The following ARHGAP24 variants were observed in gnomAD, a reference collection of about 807,000 sequenced individuals.
ARHGAP24 encodes rho GTPase-activating protein 24.
A neutral mutation model predicts 76.4 loss-of-function variants in ARHGAP24; 50 were observed. The ratio of observed to expected loss-of-function variants is 0.65; its 90% CI spans 0.52 to 0.83. The LOEUF is 0.83. Among genes scored for constraint, ARHGAP24 ranks in the 40% least tolerant of loss-of-function variants. The pLI, the probability that ARHGAP24 is intolerant of heterozygous loss-of-function variation, is 0.00. For missense variants in ARHGAP24, 930 were observed against 914.2 expected (o/e 1.02, Z -0.22); for synonymous variants, 345 against 323.3 (o/e 1.07, Z -0.72).
At position 85,953,284 on chromosome 4, in the gene ARHGAP24, T is replaced by A. The variant is rs1184802649; in HGVS notation, c.599+11011T>A. Among the ~76,000 whole-genome samples, 3 of 152,324 alleles carry A rather than the reference T, an allele frequency of 2.0e-5. No individual in the cohort carries two copies. The East Asian group carries it at 5.8e-4, about 29-fold the overall frequency. Reference sequence around the variant, plus strand: ...ACTTCCCTTGTTCCTCTTTCTGCTATTCTCCCCTTTCACTTATTTTTCAAA... The same window carrying A: ...ACTTCCCTTGTTCCTCTTTCTGCTAATCTCCCCTTTCACTTATTTTTCAAA... On this transcript the variant is annotated intron_variant, in intron 5 of 9. Transcript: ENST00000395184.
intron 1 of ARHGAP24, among the ~76,000 whole-genome samples, chr4:85,501,956 C>T (rs188093370): frequency 1.9e-3 from 286 of 152,184 alleles, no homozygotes; most frequent in African/African-American, 6.8e-3. Flanking sequence ...GCCAGTTTTC[C>T]CAGCCCTATT....
chr4:85,542,422 G>A (rs1216314713), intron 1 of ARHGAP24, among the ~76,000 whole-genome samples: 1 of 152,220 alleles, frequency 6.6e-6, no homozygotes, highest in East Asian at 1.9e-4. Context: ...ACTGCCTAGC[G>A]CATGGTCCCA....
chr4:85,566,556 A>T (rs1726853849), intron 1 of ARHGAP24, among the ~76,000 whole-genome samples: 1 of 152,236 alleles, frequency 6.6e-6, no homozygotes, highest in Non-Finnish European at 1.5e-5. Flanking sequence ...AATGAAAAAG[A>T]AGCCTCTAAA....
intron 3 of ARHGAP24, among the ~76,000 whole-genome samples, chr4:85,776,610 A>G (rs1050728920): frequency 2.0e-5 from 3 of 152,146 alleles, no homozygotes; most frequent in Admixed American, 6.5e-5. Flanking sequence ...CTGGTCACCA[A>G]AATTGCTAGT....
intron 2 of ARHGAP24, among the ~76,000 whole-genome samples, chr4:85,688,541 G>A (rs1370119272): frequency 6.6e-6 from 1 of 152,108 alleles, no homozygotes; most frequent in Non-Finnish European, 1.5e-5. Context: ...TTACTCTGTT[G>A]CTGGTTTCTT....
intron 3 of ARHGAP24, among the ~76,000 whole-genome samples, chr4:85,749,531 C>G (rs1726177913): frequency 6.6e-6 from 1 of 152,158 alleles, no homozygotes; most frequent in African/African-American, 2.4e-5. Flanking sequence ...TGTTTGAAAA[C>G]TACAACCCCC....
At chr4:85,528,836 A>C (rs2032489236) in intron 1 of ARHGAP24, among the ~76,000 whole-genome samples, 1 of 152,104 alleles carries the variant, frequency 6.6e-6, no homozygotes, top group Admixed American at 6.6e-5. Context: ...TAATTATGAT[A>C]ATATTTCATT....
chr4:85,796,203 TAC>T (rs10658115), intron 3 of ARHGAP24, among the ~76,000 whole-genome samples: 31 of 150,694 alleles, frequency 2.1e-4, no homozygotes, highest in East Asian at 5.9e-4. Flanking sequence ...TTATACCTAC[TAC>T]ACACACACAC....
intron 2 of ARHGAP24, among the ~76,000 whole-genome samples, chr4:85,702,091 C>G (rs1196774570): frequency 7.2e-5 from 11 of 152,116 alleles, no homozygotes. Context: ...GAATGTGTGT[C>G]TCTCTTTTTC....
chr4:85,853,760 C>T (rs571874710), intron 3 of ARHGAP24, among the ~76,000 whole-genome samples: 4 of 152,222 alleles, frequency 2.6e-5, no homozygotes, highest in African/African-American at 7.2e-5. Context: ...TCAAGACCAT[C>T]CTGGCCAACA....
At chr4:85,946,075 G>T (rs1013374828) in intron 5 of ARHGAP24, among the ~76,000 whole-genome samples, 7 of 152,136 alleles carry the variant, frequency 4.6e-5, no homozygotes, top group Non-Finnish European at 1.0e-4. Flanking sequence ...AGCTTATGCA[G>T]GGAAAACTCT....
At chr4:85,663,932 T>G (rs1722506803) in intron 2 of ARHGAP24, among the ~76,000 whole-genome samples, 1 of 152,006 alleles carries the variant, frequency 6.6e-6, no homozygotes, top group Non-Finnish European at 1.5e-5. Flanking sequence ...AGTATTTTAT[T>G]GAGGATTTTT....
chr4:85,523,852 A>G (rs1724879791), intron 1 of ARHGAP24, among the ~76,000 whole-genome samples: 1 of 152,180 alleles, frequency 6.6e-6, no homozygotes, highest in Admixed American at 6.5e-5. Context: ...CAAAATATTA[A>G]AAGAATGGAT....
chr4:85,570,776 G>T, intron 2 of ARHGAP24, 55 bp downstream of exon 2: 1 of 1,595,802 alleles, frequency 6.3e-7, no homozygotes, highest in Non-Finnish European at 8.6e-7. Context: ...AGAAATAGAG[G>T]GATTTGCTAG....
At chr4:85,888,957 T>C (rs768921622) in intron 3 of ARHGAP24, among the ~76,000 whole-genome samples, 1 of 152,196 alleles carries the variant, frequency 6.6e-6, no homozygotes, top group Admixed American at 6.5e-5. Flanking sequence ...ACATGATCTT[T>C]TTCTTTTTTA....
intron 3 of ARHGAP24, among the ~76,000 whole-genome samples, chr4:85,820,251 T>C (rs1729412745): frequency 6.6e-6 from 1 of 152,196 alleles, no homozygotes; most frequent in South Asian, 2.1e-4. Flanking sequence ...CTATCAGCAG[T>C]AGACTGGATA....
At chr4:85,591,701 A>T (rs1355774259) in intron 2 of ARHGAP24, among the ~76,000 whole-genome samples, 1 of 152,172 alleles carries the variant, frequency 6.6e-6, no homozygotes. Context: ...TATCCCTGTA[A>T]TACTCACGTG....
intron 2 of ARHGAP24, among the ~76,000 whole-genome samples, chr4:85,662,696 A>T (rs1327036193): frequency 1.3e-5 from 2 of 152,206 alleles, no homozygotes; most frequent in East Asian, 3.9e-4. Flanking sequence ...ATTTTTGTAT[A>T]AGGTGTAAGG....
At chr4:85,682,278 A>G (rs913062245) in intron 2 of ARHGAP24, among the ~76,000 whole-genome samples, 4 of 152,228 alleles carry the variant, frequency 2.6e-5, no homozygotes, top group African/African-American at 4.8e-5. Context: ...TGACTTTACA[A>G]TTATGCCAGC....
Sources: allele counts gnomAD v4.1 joint callset (sites outside exome capture counted in the v4.1 genomes callset), GRCh38; gene constraint gnomAD v4.1.1; transcripts MANE v1.5; gene names NCBI Gene and HGNC (gene_info 2026-07-23, HGNC 2026-07-21).